The following WWOX variants were observed in gnomAD, a reference collection of about 807,000 sequenced individuals.
The protein encoded by WWOX is WW domain-containing oxidoreductase.
Under a neutral mutation model 46.2 loss-of-function variants are expected in WWOX, and 69 were observed. That is an observed-to-expected ratio of 1.49 (90% CI 1.23 to 1.82). The LOEUF (loss-of-function observed/expected upper bound fraction) is 1.82. Among genes scored for constraint, WWOX ranks in the 40% most tolerant of loss-of-function variants. WWOX has a pLI of 0.00. For missense variants in WWOX, 919 were observed against 542.6 expected, an observed-to-expected ratio of 1.69 and a Z score of -6.89; for synonymous variants, 359 against 202.6, an observed-to-expected ratio of 1.77 and a Z score of -6.56.
chr16:78,548,101 G>A (rs1053369935), intron 8 of WWOX, among the ~76,000 whole-genome samples: 8 of 144,034 alleles, frequency 5.6e-5, no homozygotes, highest in Non-Finnish European at 1.2e-4. Context: ...GTTGCAGTGA[G>A]CTGAGATCAC....
At position 78,627,949 on chromosome 16, in the gene WWOX, T is replaced by G. The variant is rs559285355; in HGVS notation, c.1056+195197T>G. ...CTTGTTTTCTGCCTTGAGTGTCACC[T>G]GTTGAGAGCTCTGTTGACAAACTGG... On this transcript the variant is annotated intron_variant, in intron 8 of 8. Coordinates refer to ENST00000566780, the MANE Select transcript of WWOX (RefSeq NM_016373.4). 1.2e-4 allele frequency among the ~76,000 whole-genome samples: 18 copies of G among 152,338 alleles called. No individual in the cohort carries two copies. The East Asian group carries it at 2.1e-3, about 18-fold the overall frequency.
At chr16:78,786,910 G>C (rs769576927) in intron 8 of WWOX, among the ~76,000 whole-genome samples, 22 of 152,326 alleles carry the variant, frequency 1.4e-4, no homozygotes, top group Non-Finnish European at 3.1e-4. Context: ...CACTTTGGGA[G>C]GCTGAGGTGG....
chr16:78,892,645 C>T (rs966307071), intron 8 of WWOX, among the ~76,000 whole-genome samples: 1 of 152,212 alleles, frequency 6.6e-6, no homozygotes, highest in South Asian at 2.1e-4. Context: ...AGGTCACCTG[C>T]CAAAAGCAAA....
intron 5 of WWOX, among the ~76,000 whole-genome samples, chr16:78,169,750 C>T (rs1015987744): frequency 1.3e-5 from 2 of 151,942 alleles, no homozygotes; most frequent in African/African-American, 2.4e-5. Flanking sequence ...CATCTCCCTA[C>T]GTTGTTTGCA....
chr16:78,375,543 T>C (rs1173666181), intron 5 of WWOX, among the ~76,000 whole-genome samples: 2 of 152,236 alleles, frequency 1.3e-5, no homozygotes, highest in South Asian at 2.1e-4. Context: ...CTTTTTAATT[T>C]ACGATAAATG....
At chr16:78,460,106 C>G (rs1320407844) in intron 8 of WWOX, among the ~76,000 whole-genome samples, 1 of 151,826 alleles carries the variant, frequency 6.6e-6, no homozygotes, top group Non-Finnish European at 1.5e-5. Flanking sequence ...TGTACCTGGA[C>G]TCCACTATGC....
At chr16:78,432,082 T>C (rs1018595050) in intron 7 of WWOX, among the ~76,000 whole-genome samples, 6 of 151,958 alleles carry the variant, frequency 3.9e-5, no homozygotes, top group African/African-American at 7.3e-5. Context: ...GTATGTAAGA[T>C]TGAGTTTTTA....
At chr16:78,487,353 A>C (rs1358281713) in intron 8 of WWOX, among the ~76,000 whole-genome samples, 1 of 152,110 alleles carries the variant, frequency 6.6e-6, no homozygotes, top group East Asian at 1.9e-4. Flanking sequence ...GCCCCTGGGC[A>C]TTATTTCCCC....
At chr16:79,040,012 C>T (rs929087376) in intron 8 of WWOX, among the ~76,000 whole-genome samples, 2 of 152,122 alleles carry the variant, frequency 1.3e-5, no homozygotes, top group Non-Finnish European at 2.9e-5. Context: ...GTTACACTAC[C>T]AGTTGTGTGC....
chr16:78,923,792 T>C (rs1221649001), intron 8 of WWOX, among the ~76,000 whole-genome samples: 7 of 98,176 alleles, frequency 7.1e-5, no homozygotes, highest in South Asian at 3.8e-4. Flanking sequence ...TGTTTTTAGT[T>C]AGTTTTTTTT....
intron 8 of WWOX, among the ~76,000 whole-genome samples, chr16:78,696,960 C>T (rs553737276): frequency 1.9e-4 from 29 of 152,146 alleles, no homozygotes; most frequent in African/African-American, 7.0e-4. Flanking sequence ...TAATGGTCTC[C>T]AGTCCCATCC....
chr16:78,277,766 C>G (rs1169056660), intron 5 of WWOX, among the ~76,000 whole-genome samples: 1 of 152,056 alleles, frequency 6.6e-6, no homozygotes, highest in Non-Finnish European at 1.5e-5. Flanking sequence ...TAACAGATTC[C>G]CCCCGGGTGT....
intron 8 of WWOX, among the ~76,000 whole-genome samples, chr16:78,805,233 A>T (rs1464741364): frequency 6.6e-6 from 1 of 152,152 alleles, no homozygotes; most frequent in African/African-American, 2.4e-5. Flanking sequence ...GCCTCTGGAG[A>T]ATCAAATCCA....
At chr16:79,024,050 G>C (rs1352649242) in intron 8 of WWOX, among the ~76,000 whole-genome samples, 1 of 152,184 alleles carries the variant, frequency 6.6e-6, no homozygotes, top group African/African-American at 2.4e-5. Context: ...ACCTAGAATA[G>C]GCACCTCCAA....
chr16:79,036,248 A>T (rs898192665), intron 8 of WWOX, among the ~76,000 whole-genome samples: 2 of 152,198 alleles, frequency 1.3e-5, no homozygotes, highest in African/African-American at 4.8e-5. Flanking sequence ...CAACCATGCC[A>T]TGGGGCCTAC....
At chr16:78,612,148 T>C (rs567943667) in intron 8 of WWOX, among the ~76,000 whole-genome samples, 2 of 152,336 alleles carry the variant, frequency 1.3e-5, no homozygotes, top group South Asian at 4.1e-4. Context: ...CAGAATTTGC[T>C]TACAGCACAG....
chr16:78,859,993 A>G (rs1276613242), intron 8 of WWOX, among the ~76,000 whole-genome samples: 3 of 152,252 alleles, frequency 2.0e-5, no homozygotes, highest in Admixed American at 6.5e-5. Flanking sequence ...AAATAGCTAT[A>G]ATGCCTTAGA....
intron 8 of WWOX, among the ~76,000 whole-genome samples, chr16:78,573,009 C>G (rs1016676876): frequency 2.0e-5 from 3 of 152,102 alleles, no homozygotes; most frequent in Admixed American, 2.0e-4. Context: ...AAATTATAGC[C>G]GGGCACGGTG....
chr16:78,728,834 C>G (rs1227613147), intron 8 of WWOX, among the ~76,000 whole-genome samples: 2 of 152,172 alleles, frequency 1.3e-5, no homozygotes, highest in South Asian at 2.1e-4. Context: ...AGGTATGTCA[C>G]TTAAACCTTG....
Sources: allele counts gnomAD v4.1 joint callset (sites outside exome capture counted in the v4.1 genomes callset), GRCh38; gene constraint gnomAD v4.1.1; transcripts MANE v1.5; gene names NCBI Gene and HGNC (gene_info 2026-07-23, HGNC 2026-07-21).